The following KALRN variants were observed in gnomAD, a reference collection of about 807,000 sequenced individuals.
KALRN encodes the protein kalirin.
In KALRN, 70 loss-of-function variants were observed where a neutral mutation model predicts 353.7. The observed-to-expected ratio is 0.20, with a 90% CI of 0.16 to 0.24. KALRN has a LOEUF of 0.24. KALRN is among the 10% of genes least tolerant of loss of function. KALRN has a pLI of 1.00. For synonymous variants in KALRN, 1,391 were observed against 1,434.8 expected (o/e 0.97, Z 0.69); for missense variants, 2,791 against 3,756.7 (o/e 0.74, Z 6.72).
intron 1 of KALRN, among the ~76,000 whole-genome samples, chr3:124,140,601 A>G (rs1339422759): frequency 6.6e-6 from 1 of 152,218 alleles, no homozygotes; most frequent in African/African-American, 2.4e-5. Flanking sequence ...CAAAGGCTAG[A>G]TGACCCCTCA....
rs1282959808 is a variant in KALRN at position 124,724,289 on chromosome 3, T to C, written c.*4819T>C. Reference sequence around the variant, plus strand: ...AGAGGTCTTTGTAGTAGGGCAAAGTTCAAACTCACCATGTCCTTATTCAGT... The same window carrying C: ...AGAGGTCTTTGTAGTAGGGCAAAGTCCAAACTCACCATGTCCTTATTCAGT... On this transcript the variant is annotated 3_prime_UTR_variant, in exon 60 of 60. Transcript: ENST00000682506. The C allele has an allele frequency of 6.6e-6, 1 of 152,202 alleles. No homozygotes were observed. Among genetic ancestry groups the C allele is most frequent in the Non-Finnish European group, 1.5e-5 (1 of 68,028 alleles). 9.4% of individuals were successfully genotyped at this position (152,202 alleles called of 1,614,324 possible). A position where few individuals can be genotyped will look rare whatever the true frequency, so the allele number is the denominator to read the frequency against.
At chr3:124,444,439 C>T (rs548873444) in intron 19 of KALRN, among the ~76,000 whole-genome samples, 1 of 152,192 alleles carries the variant, frequency 6.6e-6, no homozygotes, top group Admixed American at 6.5e-5. Flanking sequence ...ACTGTACTTG[C>T]CTCTTTGGGA....
At chr3:124,694,145 A>G (rs941885280) in intron 52 of KALRN, among the ~76,000 whole-genome samples, 187 bp from the exon 53 acceptor site, 1 of 152,160 alleles carries the variant, frequency 6.6e-6, no homozygotes, top group Non-Finnish European at 1.5e-5. Flanking sequence ...ATTTTTTTCT[A>G]TAATAAACAG....
At chr3:124,459,141 C>T (rs1055500400) in intron 23 of KALRN, among the ~76,000 whole-genome samples, 5 of 152,116 alleles carry the variant, frequency 3.3e-5, no homozygotes, top group Non-Finnish European at 7.4e-5. Context: ...CAGATGGGCC[C>T]TCCTCCCCTG....
In KALRN at chr3:124,725,586, T is replaced by C. The variant is rs530377801; in HGVS notation, c.*6116T>C. The C allele has an allele frequency of 6.6e-6, 1 of 152,342 alleles. No individual in the cohort carries two copies. The highest frequency in any genetic ancestry group is 2.1e-4 in the South Asian group (1 of 4,832). The allele number at this position is 152,342 out of a possible 1,614,324, so 9.4% of individuals were successfully genotyped here. A position where few individuals can be genotyped will look rare whatever the true frequency, so the allele number is the denominator to read the frequency against. Reference sequence around the variant, plus strand: ...TCAATGTTTCTAATGGAAAACCATTTAGGGCCATTCAAAACCATTAGGGCT... The same window carrying C: ...TCAATGTTTCTAATGGAAAACCATTCAGGGCCATTCAAAACCATTAGGGCT... On this transcript the variant is annotated 3_prime_UTR_variant, in exon 60 of 60. Transcript: ENST00000682506.
At chr3:124,258,837 T>C (rs1412129921) in intron 3 of KALRN, among the ~76,000 whole-genome samples, 4 of 152,354 alleles carry the variant, frequency 2.6e-5, no homozygotes, top group African/African-American at 4.8e-5. Flanking sequence ...CAACCAAAGT[T>C]TGAGACCTGC....
intron 23 of KALRN, among the ~76,000 whole-genome samples, chr3:124,461,450 A>AT (rs1237812699): frequency 6.6e-6 from 1 of 152,164 alleles, no homozygotes; most frequent in Non-Finnish European, 1.5e-5. Flanking sequence ...GTTTTGGTAT[A>AT]TATCTACAAA....
At chr3:124,041,628 C>T (rs1014895009) in intron 1 of KALRN, among the ~76,000 whole-genome samples, 2 of 152,166 alleles carry the variant, frequency 1.3e-5, no homozygotes, top group Non-Finnish European at 2.9e-5. Context: ...GCACGTGGCT[C>T]GATCCATGTG....
chr3:124,700,857 AG>A (rs1450816708), intron 56 of KALRN, among the ~76,000 whole-genome samples: 3 of 152,228 alleles, frequency 2.0e-5, no homozygotes, highest in Non-Finnish European at 4.4e-5. Context: ...ACCTGAATCC[AG>A]AAATGCTCTC....
chr3:124,710,334 AG>A (rs1196265504), intron 57 of KALRN, among the ~76,000 whole-genome samples: 6 of 152,204 alleles, frequency 3.9e-5, no homozygotes, highest in Non-Finnish European at 7.4e-5. Context: ...GCAGGGACAG[AG>A]GGAGGAAGGA....
intron 49 of KALRN, chr3:124,675,049 T>A (rs333353): frequency 6.6e-6 from 1 of 151,612 alleles, no homozygotes; most frequent in African/African-American, 2.4e-5. Context: ...AAAAATTACC[T>A]TGGCACAAAT....
intron 33 of KALRN, among the ~76,000 whole-genome samples, chr3:124,525,105 TCAGCA>T (rs2067475282): frequency 6.6e-6 from 1 of 152,220 alleles, no homozygotes; most frequent in South Asian, 2.1e-4. Flanking sequence ...GAGAGTTTTC[TCAGCA>T]CAGTGCTTAT....
At chr3:124,707,144 G>T (rs757179818) in intron 57 of KALRN, among the ~76,000 whole-genome samples, 1 of 151,944 alleles carries the variant, frequency 6.6e-6, no homozygotes, top group Non-Finnish European at 1.5e-5. Flanking sequence ...TCCAAGACCA[G>T]CCTGGGCAAC....
At chr3:124,259,175 A>G (rs11719349) in intron 3 of KALRN, among the ~76,000 whole-genome samples, 39,057 of 152,112 alleles carry the variant, frequency 0.26, 6,444 homozygotes, top group Non-Finnish European at 0.37. Flanking sequence ...GGCGGTGAAA[A>G]TGCATCACAC....
intron 1 of KALRN, among the ~76,000 whole-genome samples, chr3:124,191,782 G>A (rs1224924079): frequency 4.6e-5 from 7 of 152,112 alleles, no homozygotes; most frequent in Admixed American, 3.9e-4. Context: ...ATGTTTCAGG[G>A]GCACTGGGCA....
chr3:124,659,070 G>A (rs560396533), intron 42 of KALRN, among the ~76,000 whole-genome samples: 20 of 149,068 alleles, frequency 1.3e-4, no homozygotes, highest in Non-Finnish European at 2.7e-4. Flanking sequence ...CCCTGAAGTG[G>A]TGGAGAGAAT....
intron 1 of KALRN, among the ~76,000 whole-genome samples, chr3:124,036,960 T>C (rs1032236732): frequency 6.6e-6 from 1 of 152,210 alleles, no homozygotes; most frequent in Non-Finnish European, 1.5e-5. Flanking sequence ...CCCAGCCTAC[T>C]ATTCTAGATT....
chr3:124,042,295 C>T (rs1432003219), intron 1 of KALRN, among the ~76,000 whole-genome samples: 2 of 152,184 alleles, frequency 1.3e-5, no homozygotes, highest in African/African-American at 2.4e-5. Flanking sequence ...CAAATATTTA[C>T]TAGGCTCCTA....
At chr3:124,165,523 G>C (rs974585910) in intron 1 of KALRN, among the ~76,000 whole-genome samples, 1 of 152,112 alleles carries the variant, frequency 6.6e-6, no homozygotes, top group East Asian at 1.9e-4. Context: ...AACCACATGT[G>C]GTCCCCTCCA....
Sources: gnomAD v4.1 joint callset for allele counts (sites outside exome capture counted in the v4.1 genomes callset) on GRCh38, gnomAD v4.1.1 for gene constraint, MANE v1.5 for transcripts, NCBI Gene and HGNC (gene_info 2026-07-23, HGNC 2026-07-21) for gene names.